GBA1: variants seen among roughly 807,000 people sequenced by gnomAD.
GBA1 encodes lysosomal acid glucosylceramidase.
At chr1:155,242,812 C>T in the GBA1 span, among the ~76,000 whole-genome samples, 3 of 152,002 alleles carry the variant, frequency 2.0e-5, no homozygotes, top group Non-Finnish European at 2.9e-5. Context: ...AGGCTGGTCT[C>T]GAACCCCTGA....
the GBA1 span, chr1:155,239,610 C>T: frequency 5.6e-6 from 9 of 1,614,194 alleles, no homozygotes; most frequent in Non-Finnish European, 7.6e-6. Context: ...TCCCCTTCCT[C>T]CTCACCTTCT....
the GBA1 span, chr1:155,235,770 C>T: frequency 6.2e-7 from 1 of 1,614,220 alleles, no homozygotes; most frequent in Non-Finnish European, 8.5e-7. Flanking sequence ...CAAAGTTACG[C>T]ACCCAATTGG....
the GBA1 span, among the ~76,000 whole-genome samples, chr1:155,239,200 AGTGCGAGACTCT>A: frequency 6.6e-6 from 1 of 150,646 alleles, no homozygotes; most frequent in East Asian, 1.9e-4. Context: ...CCTGGGTGAC[AGTGCGAGACTCT>A]GTCTCAAAAA....
At chr1:155,235,879 C>G in the GBA1 span, 2 of 1,613,976 alleles carry the variant, frequency 1.2e-6, no homozygotes, top group Non-Finnish European at 1.7e-6. Flanking sequence ...GACAAAGGCG[C>G]AACACTGGGG....
chr1:155,242,779 G>A, the GBA1 span, among the ~76,000 whole-genome samples: 3 of 152,004 alleles, frequency 2.0e-5, no homozygotes, highest in Non-Finnish European at 4.4e-5. Context: ...TTTTAGTAGA[G>A]ATGGGGTTTC....
the GBA1 span, chr1:155,241,106 A>G: frequency 6.2e-7 from 1 of 1,613,374 alleles, no homozygotes; most frequent in Non-Finnish European, 8.5e-7. Flanking sequence ...GGACTTGAAA[A>G]CTCCATCCCC....
At chr1:155,238,418 C>T in the GBA1 span, 6 of 1,222,154 alleles carry the variant, frequency 4.9e-6, no homozygotes, top group South Asian at 7.5e-5. Context: ...CAGGACAAAA[C>T]AGCAGGGGAC....
At chr1:155,238,025 G>A in the GBA1 span, 4 of 1,190,154 alleles carry the variant, frequency 3.4e-6, no homozygotes, top group Non-Finnish European at 3.7e-6. Flanking sequence ...AGAAAGGTGA[G>A]CTGAGGACAG....
the GBA1 span, among the ~76,000 whole-genome samples, chr1:155,243,145 T>C: frequency 6.6e-6 from 1 of 152,226 alleles, no homozygotes; most frequent in African/African-American, 2.4e-5. Context: ...AAGGAATGTC[T>C]TATGCATTCT....
the GBA1 span, chr1:155,240,949 G>A: frequency 5.7e-6 from 5 of 883,490 alleles, no homozygotes; most frequent in Admixed American, 7.8e-5. Flanking sequence ...TTTCAACTTC[G>A]ACCCCTCCCT....
chr1:155,236,098 A>C, the GBA1 span: 46 of 811,774 alleles, frequency 5.7e-5, no homozygotes, highest in Non-Finnish European at 8.9e-5. Flanking sequence ...AAGGAAAGGG[A>C]AGATAGGGAA....
the GBA1 span, chr1:155,238,830 C>T: frequency 6.8e-5 from 46 of 672,154 alleles, no homozygotes; most frequent in Admixed American, 8.7e-4. Flanking sequence ...AGCCTGAGTC[C>T]GTAGCAGTTA....
chr1:155,241,257 C>T, the GBA1 span: 16 of 749,472 alleles, frequency 2.1e-5, no homozygotes, highest in African/African-American at 1.0e-4. Flanking sequence ...TCCGGCTTCC[C>T]GATGTGGATG....
the GBA1 span, among the ~76,000 whole-genome samples, chr1:155,236,942 G>A: frequency 2.6e-5 from 4 of 151,862 alleles, no homozygotes; most frequent in African/African-American, 9.7e-5. Flanking sequence ...TCGGCTCACC[G>A]CAACCACCAT....
the GBA1 span, chr1:155,240,030 A>ACAC: frequency 6.2e-7 from 1 of 1,613,938 alleles, no homozygotes; most frequent in South Asian, 1.1e-5. Flanking sequence ...TTGCAGACAC[A>ACAC]CACCACCGAG....
chr1:155,242,228 G>C, the GBA1 span, among the ~76,000 whole-genome samples: 8 of 152,136 alleles, frequency 5.3e-5, no homozygotes, highest in African/African-American at 1.9e-4. Context: ...ATTTTTTGTT[G>C]TTGTTGTTTT....
chr1:155,239,644 C>G, the GBA1 span: 1 of 1,614,192 alleles, frequency 6.2e-7, no homozygotes, highest in Non-Finnish European at 8.5e-7. Flanking sequence ...ATTTAAGTAG[C>G]AAATTTTGGG....
the GBA1 span, among the ~76,000 whole-genome samples, chr1:155,243,824 G>A: frequency 6.6e-6 from 1 of 151,718 alleles, no homozygotes; most frequent in Admixed American, 6.6e-5. Flanking sequence ...CCAGGCTGGA[G>A]TGCAGTGGCA....
the GBA1 span, chr1:155,238,695 A>G: frequency 1.1e-5 from 18 of 1,612,084 alleles, no homozygotes; most frequent in Non-Finnish European, 1.5e-5. Flanking sequence ...AGTCAATAGG[A>G]GAGTATGGGA....
Sources: gnomAD v4.1 joint callset for allele counts (sites outside exome capture counted in the v4.1 genomes callset) on GRCh38, gnomAD v4.1.1 for gene constraint, MANE v1.5 for transcripts, NCBI Gene and HGNC (gene_info 2026-07-23, HGNC 2026-07-21) for gene names.